Variants in KCNK9 observed in about 807,000 individuals in gnomAD.
KCNK9 encodes the protein potassium two pore domain channel subfamily K member 9, also known as potassium channel subfamily K member 9.
In KCNK9, 1 loss-of-function variant was observed where a neutral mutation model predicts 10.8. That is an observed-to-expected ratio of 0.09 (90% CI 0.03 to 0.44). KCNK9 has a LOEUF of 0.44. KCNK9 is among the 20% of genes least tolerant of loss of function. The pLI is 0.97. For missense variants in KCNK9, 303 were observed against 515.0 expected, an observed-to-expected ratio of 0.59 and a Z score of 3.98; for synonymous variants, 231 against 222.7, an observed-to-expected ratio of 1.04 and a Z score of -0.33.
At chr8:139,609,235 T>A, downstream of KCNK9, among the ~76,000 whole-genome samples, 1 of 81,100 alleles carries the variant, frequency 1.2e-5, no homozygotes, top group African/African-American at 5.8e-5. Context: ...ATGGGGGTGC[T>A]CTGCCCCCCC....
At chr8:139,631,263 C>T (rs1815163175) in intron 1 of KCNK9, among the ~76,000 whole-genome samples, 1 of 152,232 alleles carries the variant, frequency 6.6e-6, no homozygotes, top group African/African-American at 2.4e-5. Flanking sequence ...ATAATGGTAA[C>T]AATAACGACT....
At chr8:139,675,274 C>G (rs1816523332) in intron 1 of KCNK9, among the ~76,000 whole-genome samples, 1 of 152,206 alleles carries the variant, frequency 6.6e-6, no homozygotes, top group South Asian at 2.1e-4. Flanking sequence ...CTTTGCTCAC[C>G]CTTCCACCTG....
chr8:139,692,738 G>A (rs1816958561), intron 1 of KCNK9, among the ~76,000 whole-genome samples: 1 of 152,142 alleles, frequency 6.6e-6, no homozygotes, highest in Non-Finnish European at 1.5e-5. Context: ...GATAAGCTCA[G>A]CCTAGGTCCA....
At chr8:139,637,890 G>A (rs1443086811) in intron 1 of KCNK9, among the ~76,000 whole-genome samples, 3 of 151,766 alleles carry the variant, frequency 2.0e-5, no homozygotes, top group Admixed American at 6.6e-5. Flanking sequence ...CACTTCCCTG[G>A]GCCACTGATG....
intron 1 of KCNK9, among the ~76,000 whole-genome samples, chr8:139,650,067 C>T (rs882555): frequency 0.51 from 77,653 of 152,006 alleles, 22,266 homozygotes; most frequent in Non-Finnish European, 0.65. Flanking sequence ...GAGAGCCTCC[C>T]AGGAATGCCA....
intron 1 of KCNK9, among the ~76,000 whole-genome samples, chr8:139,674,649 A>G (rs1816508828): frequency 6.6e-6 from 1 of 152,204 alleles, no homozygotes; most frequent in Non-Finnish European, 1.5e-5. Context: ...ATGCCTCTGC[A>G]GTGCCTCACG....
intron 1 of KCNK9, among the ~76,000 whole-genome samples, chr8:139,686,438 CA>C (rs1462870208): frequency 2.6e-5 from 4 of 152,144 alleles, no homozygotes; most frequent in Non-Finnish European, 5.9e-5. Flanking sequence ...ACAAACCCAT[CA>C]AAAAGTGGGC....
At chr8:139,700,658 C>T (rs1173581838) in intron 1 of KCNK9, among the ~76,000 whole-genome samples, 2 of 152,164 alleles carry the variant, frequency 1.3e-5, no homozygotes, top group African/African-American at 4.8e-5. Context: ...CCTCTGGTCC[C>T]TTATTCATAC....
At chr8:139,674,762 C>T (rs1164002159) in intron 1 of KCNK9, among the ~76,000 whole-genome samples, 1 of 152,176 alleles carries the variant, frequency 6.6e-6, no homozygotes, top group Non-Finnish European at 1.5e-5. Context: ...CCAAGCACCC[C>T]AGTGACCCTG....
intron 1 of KCNK9, among the ~76,000 whole-genome samples, chr8:139,641,618 G>A (rs1815506951): frequency 1.2e-5 from 1 of 86,712 alleles, no homozygotes; most frequent in Non-Finnish European, 2.4e-5. Flanking sequence ...CTCTGCCCCA[G>A]CGCTCTGGCC....
intron 1 of KCNK9, among the ~76,000 whole-genome samples, chr8:139,641,737 C>T (rs1237961041): frequency 3.3e-5 from 5 of 152,212 alleles, no homozygotes; most frequent in African/African-American, 1.2e-4. Context: ...TTGTCCCTGC[C>T]GTGCCCGCTA....
chr8:139,623,644 C>A lies in KCNK9; in HGVS notation c.284-4545G>T, dbSNP rs189771925. Among the ~76,000 whole-genome samples the A allele has an allele frequency of 7.6e-4, 116 of 152,188 alleles. 1 individual carries two copies. The highest frequency in any genetic ancestry group is 2.5e-3 in the African/African-American group (104 of 41,520). On this transcript the variant is annotated intron_variant, in intron 1 of 1. Transcript: ENST00000520439. Reference sequence around the variant, plus strand: ...TCTAGGACTCCAGGCTCCTACAATACCCTACCGCCCCCTCCCCCTACCCTC... The same window carrying A: ...TCTAGGACTCCAGGCTCCTACAATAACCTACCGCCCCCTCCCCCTACCCTC...
chr8:139,604,476 G>A (rs1212542570), intron 2 of KCNK9, among the ~76,000 whole-genome samples: 6 of 152,260 alleles, frequency 3.9e-5, no homozygotes, highest in Non-Finnish European at 8.8e-5. Context: ...GGTGCCACGC[G>A]GGCGCATCTG....
chr8:139,672,588 TCGCCTGAGGCTGCCCC>T (rs1384946241), intron 1 of KCNK9, among the ~76,000 whole-genome samples: 2 of 152,196 alleles, frequency 1.3e-5, no homozygotes, highest in Non-Finnish European at 2.9e-5. Context: ...CAACGGCCCC[TCGCCTGAGGCTGCCCC>T]CAGGGGAGCC....
downstream of KCNK9, among the ~76,000 whole-genome samples, chr8:139,614,933 T>C (rs1479229698): frequency 6.6e-6 from 1 of 152,184 alleles, no homozygotes; most frequent in Admixed American, 6.5e-5. Flanking sequence ...CCTTGGGTGA[T>C]TCTGGTAGCA....
chr8:139,678,723 C>A (rs1010492984), intron 1 of KCNK9, among the ~76,000 whole-genome samples: 2 of 152,234 alleles, frequency 1.3e-5, no homozygotes, highest in Non-Finnish European at 2.9e-5. Flanking sequence ...GCTGTTCTGG[C>A]CCCCAGACCT....
intron 1 of KCNK9, among the ~76,000 whole-genome samples, chr8:139,700,621 A>G (rs1817195487): frequency 6.6e-6 from 1 of 152,152 alleles, no homozygotes; most frequent in Admixed American, 6.5e-5. Context: ...GAAGGAAGCG[A>G]GGAAAATCAG....
intron 1 of KCNK9, among the ~76,000 whole-genome samples, chr8:139,690,691 C>T (rs1816917907): frequency 6.6e-6 from 1 of 152,128 alleles, no homozygotes; most frequent in African/African-American, 2.4e-5. Context: ...TCTGGGACTG[C>T]ACCCTGGACA....
At chr8:139,665,700 GGCC>G (rs1816281507) in intron 1 of KCNK9, among the ~76,000 whole-genome samples, 3 of 152,184 alleles carry the variant, frequency 2.0e-5, no homozygotes, top group Admixed American at 1.3e-4. Context: ...AAAATGAGGT[GGCC>G]GTGCACAAAG....
Sources: gnomAD v4.1 joint callset for allele counts (sites outside exome capture counted in the v4.1 genomes callset) on GRCh38, gnomAD v4.1.1 for gene constraint, MANE v1.5 for transcripts, NCBI Gene and HGNC (gene_info 2026-07-23, HGNC 2026-07-21) for gene names.